Variants in HS1BP3 observed in about 807,000 individuals in gnomAD.
HS1BP3 encodes HCLS1 binding protein 3.
Under a neutral mutation model 33.5 loss-of-function variants are expected in HS1BP3, and 32 were observed. The observed-to-expected ratio is 0.95, with a 90% CI of 0.72 to 1.28. The LOEUF is 1.28. HS1BP3 is among the 50% of genes most tolerant of loss of function. The pLI is 0.00. For missense variants in HS1BP3, 486 were observed against 502.3 expected, an observed-to-expected ratio of 0.97 and a Z score of 0.31; for synonymous variants, 187 against 209.2, an observed-to-expected ratio of 0.89 and a Z score of 0.92.
chr2:20,583,243 C>T (rs1041113009), intron 5 of HS1BP3, among the ~76,000 whole-genome samples: 1 of 152,264 alleles, frequency 6.6e-6, no homozygotes, highest in Admixed American at 6.5e-5. Context: ...ATGCCATCCA[C>T]AGAAACCAGC....
intron 5 of HS1BP3, among the ~76,000 whole-genome samples, chr2:20,569,559 T>C (rs1290803290): frequency 6.6e-6 from 1 of 152,248 alleles, no homozygotes; most frequent in Non-Finnish European, 1.5e-5. Flanking sequence ...GCTAAAAAAA[T>C]TCATTGATCT....
intron 5 of HS1BP3, among the ~76,000 whole-genome samples, chr2:20,571,052 G>C (rs553263501): frequency 1.1e-4 from 16 of 152,284 alleles, no homozygotes; most frequent in African/African-American, 3.9e-4. Flanking sequence ...CACTGGGGAG[G>C]GTCCGGCTTC....
At chr2:20,557,875 T>C (rs757966402), downstream of HS1BP3, among the ~76,000 whole-genome samples, 2 of 151,842 alleles carry the variant, frequency 1.3e-5, no homozygotes, top group Non-Finnish European at 2.9e-5. Flanking sequence ...CCCCAAGGGG[T>C]CCTCAAAGCC....
chr2:20,633,894 G>C (rs550432772), intron 4 of HS1BP3, among the ~76,000 whole-genome samples: 2 of 152,258 alleles, frequency 1.3e-5, no homozygotes, highest in Non-Finnish European at 2.9e-5. Context: ...TGACAGCCTG[G>C]GTGGAGTGCC....
At chr2:20,595,442 C>T (rs1257648305) in intron 3 of HS1BP3, among the ~76,000 whole-genome samples, 1 of 152,168 alleles carries the variant, frequency 6.6e-6, no homozygotes, top group African/African-American at 2.4e-5. Flanking sequence ...GTGACTCCTG[C>T]TCTAACAGAG....
At chr2:20,601,839 C>T (rs947578344) in intron 2 of HS1BP3, among the ~76,000 whole-genome samples, 10 of 118,660 alleles carry the variant, frequency 8.4e-5, no homozygotes, top group African/African-American at 1.9e-4. Flanking sequence ...AGTGCAGTGG[C>T]GTGATCTCGG....
downstream of HS1BP3, among the ~76,000 whole-genome samples, chr2:20,614,086 C>A (rs1315268133): frequency 2.0e-5 from 3 of 152,102 alleles, no homozygotes; most frequent in Non-Finnish European, 4.4e-5. Flanking sequence ...TGTGAAGACA[C>A]AGACACAGAG....
At chr2:20,601,663 T>C (rs1694071743) in intron 2 of HS1BP3, among the ~76,000 whole-genome samples, 1 of 152,042 alleles carries the variant, frequency 6.6e-6, no homozygotes, top group Non-Finnish European at 1.5e-5. Flanking sequence ...GTCCCTTTGC[T>C]CTTCCTTTGT....
intron 5 of HS1BP3, among the ~76,000 whole-genome samples, chr2:20,576,964 T>C (rs901330837): frequency 6.6e-6 from 1 of 152,234 alleles, no homozygotes; most frequent in Non-Finnish European, 1.5e-5. Context: ...TACAAATCTT[T>C]TCCCATTGGG....
chr2:20,588,828 G>A (rs980557627), downstream of HS1BP3, among the ~76,000 whole-genome samples: 11 of 152,338 alleles, frequency 7.2e-5, no homozygotes, highest in African/African-American at 2.6e-4. Context: ...CTTGCCTGAG[G>A]TCCCTCTAAC....
chr2:20,618,896 G>T lies in HS1BP3; in HGVS notation c.*91C>A. On this transcript the variant is annotated 3_prime_UTR_variant, in exon 7 of 7. Coordinates refer to ENST00000304031, the MANE Select transcript of HS1BP3 (RefSeq NM_022460.4). Reference sequence around the variant, plus strand: ...TCTGCCTGGCCTCCCCTGGGGGTGGGGAGGTTCTGACCCTGCAGGGCCCAG... The same window carrying T: ...TCTGCCTGGCCTCCCCTGGGGGTGGTGAGGTTCTGACCCTGCAGGGCCCAG... 6.7e-7 allele frequency: 1 copy of T among 1,482,324 alleles called. No homozygotes were observed. The highest frequency in any genetic ancestry group is 2.4e-5 in the East Asian group (1 of 41,654). 91.8% of individuals were successfully genotyped at this position (1,482,324 alleles called of 1,614,324 possible).
intron 5 of HS1BP3, 72 bp downstream of exon 5, chr2:20,624,660 G>C: frequency 6.9e-7 from 1 of 1,451,110 alleles, no homozygotes; most frequent in East Asian, 2.3e-5. Flanking sequence ...CGCCGGGTGA[G>C]TCCAGACCCT....
intron 5 of HS1BP3, among the ~76,000 whole-genome samples, chr2:20,573,994 C>G (rs929363921): frequency 6.6e-5 from 10 of 152,200 alleles, no homozygotes; most frequent in African/African-American, 2.2e-4. Context: ...CTTGGACACT[C>G]AACATGGTTT....
chr2:20,574,336 A>C (rs541945836), intron 5 of HS1BP3, among the ~76,000 whole-genome samples: 2 of 152,342 alleles, frequency 1.3e-5, no homozygotes, highest in South Asian at 4.1e-4. Flanking sequence ...GCAAAATCAC[A>C]ATTTATGAGT....
chr2:20,649,109 G>A (rs566826319), intron 1 of HS1BP3, among the ~76,000 whole-genome samples: 3 of 152,324 alleles, frequency 2.0e-5, no homozygotes, highest in Admixed American at 6.5e-5. Context: ...AGCAGCCAAA[G>A]GATCTCTATA....
At chr2:20,591,610 C>A (rs1021984934), downstream of HS1BP3, among the ~76,000 whole-genome samples, 1 of 152,226 alleles carries the variant, frequency 6.6e-6, no homozygotes, top group Non-Finnish European at 1.5e-5. Flanking sequence ...CTTGCTCTGC[C>A]ACCCAGGCTG....
At chr2:20,632,647 CGGGTCCTGGGG>C in intron 4 of HS1BP3, among the ~76,000 whole-genome samples, 1 of 152,338 alleles carries the variant, frequency 6.6e-6, no homozygotes, top group East Asian at 1.9e-4. Flanking sequence ...CTTGCCACAA[CGGGTCCTGGGG>C]GAGCCTGAGG....
At chr2:20,580,324 G>T (rs1247172767) in intron 5 of HS1BP3, among the ~76,000 whole-genome samples, 1 of 152,186 alleles carries the variant, frequency 6.6e-6, no homozygotes, top group Non-Finnish European at 1.5e-5. Context: ...TTCGAGACCA[G>T]CCTGGGCGAC....
intron 5 of HS1BP3, 62 bp downstream of exon 5, chr2:20,624,670 T>C: frequency 6.7e-7 from 1 of 1,489,872 alleles, no homozygotes; most frequent in Non-Finnish European, 9.1e-7. Flanking sequence ...GTCCAGACCC[T>C]GCCTGGTGAT....
Sources: allele counts gnomAD v4.1 joint callset (sites outside exome capture counted in the v4.1 genomes callset), GRCh38; gene constraint gnomAD v4.1.1; transcripts MANE v1.5; gene names NCBI Gene and HGNC (gene_info 2026-07-23, HGNC 2026-07-21).